The following HSF2BP variants were observed in gnomAD, a reference collection of about 807,000 sequenced individuals.
HSF2BP encodes heat shock transcription factor 2 binding protein, also known as heat shock factor 2-binding protein.
HSF2BP carries 35 observed loss-of-function variants against 35.0 expected under a neutral mutation model. The observed-to-expected ratio is 1.00, with a 90% CI of 0.76 to 1.32. HSF2BP has a LOEUF of 1.32. Among genes scored for constraint, HSF2BP ranks in the 40% most tolerant of loss-of-function variants. HSF2BP has a pLI of 0.00. For synonymous variants in HSF2BP, 114 were observed against 117.4 expected, an observed-to-expected ratio of 0.97 and a Z score of 0.18; for missense variants, 326 against 321.7, an observed-to-expected ratio of 1.01 and a Z score of -0.10.
intron 8 of HSF2BP, among the ~76,000 whole-genome samples, chr21:43,578,436 A>T (rs2081673835): frequency 6.6e-6 from 1 of 151,988 alleles, no homozygotes; most frequent in African/African-American, 2.4e-5. Context: ...CACGAAAGGG[A>T]GGATGGAGCC....
intron 7 of HSF2BP, among the ~76,000 whole-genome samples, chr21:43,605,385 C>T (rs1042930112): frequency 6.8e-6 from 1 of 147,922 alleles, no homozygotes; most frequent in Admixed American, 6.7e-5. Context: ...ACACACACAC[C>T]ACACACACAC....
At chr21:43,652,387 A>G (rs1177032818) in intron 3 of HSF2BP, among the ~76,000 whole-genome samples, 2 of 138,538 alleles carry the variant, frequency 1.4e-5, no homozygotes, top group African/African-American at 2.7e-5. Flanking sequence ...TGGGAGACAG[A>G]GCCAGACACC....
intron 8 of HSF2BP, among the ~76,000 whole-genome samples, chr21:43,582,300 A>C (rs1255517845): frequency 9.1e-5 from 4 of 43,922 alleles, no homozygotes; most frequent in African/African-American, 3.1e-4. Flanking sequence ...GGGGATGAAG[A>C]CCTGCTGTGG....
chr21:43,612,101 CCAAA>C (rs760745608), intron 7 of HSF2BP, among the ~76,000 whole-genome samples: 3 of 152,268 alleles, frequency 2.0e-5, no homozygotes, highest in East Asian at 3.9e-4. Flanking sequence ...CACACTGAAA[CCAAA>C]CAGAGAAAAG....
At chr21:43,594,037 G>C (rs949114073) in intron 7 of HSF2BP, among the ~76,000 whole-genome samples, 7 of 152,136 alleles carry the variant, frequency 4.6e-5, no homozygotes, top group African/African-American at 1.7e-4. Flanking sequence ...AAAGCAGCCA[G>C]AGAGAAAGGA....
intron 7 of HSF2BP, among the ~76,000 whole-genome samples, chr21:43,612,256 A>C (rs1315889006): frequency 6.6e-6 from 1 of 152,216 alleles, no homozygotes; most frequent in Non-Finnish European, 1.5e-5. Context: ...AGAAACAGGA[A>C]AATCTCAACT....
intron 7 of HSF2BP, among the ~76,000 whole-genome samples, chr21:43,599,690 A>G (rs1294174326): frequency 1.3e-5 from 2 of 151,976 alleles, no homozygotes; most frequent in Non-Finnish European, 2.9e-5. Flanking sequence ...GCTACTCGGG[A>G]GGCTGAGGCA....
chr21:43,651,547 G>A (rs921027559), intron 3 of HSF2BP, among the ~76,000 whole-genome samples: 2 of 152,012 alleles, frequency 1.3e-5, no homozygotes, highest in Non-Finnish European at 2.9e-5. Flanking sequence ...CCTAAAAAAC[G>A]TCATTTTGAT....
intron 7 of HSF2BP, among the ~76,000 whole-genome samples, chr21:43,607,252 T>C (rs904810573): frequency 6.7e-6 from 1 of 150,068 alleles, no homozygotes; most frequent in African/African-American, 2.5e-5. Context: ...ATTATGCCAC[T>C]GCACTCCAGC....
At chr21:43,654,650 G>T (rs575977971) in intron 3 of HSF2BP, among the ~76,000 whole-genome samples, 5 of 152,290 alleles carry the variant, frequency 3.3e-5, no homozygotes, top group African/African-American at 9.6e-5. Flanking sequence ...GATTAGGCTA[G>T]GGCAGACATT....
intron 7 of HSF2BP, among the ~76,000 whole-genome samples, chr21:43,595,982 C>T (rs982070648): frequency 6.6e-6 from 1 of 151,610 alleles, no homozygotes; most frequent in Admixed American, 6.6e-5. Flanking sequence ...AGCCTCCCAA[C>T]GTGCTGAGAT....
intron 7 of HSF2BP, among the ~76,000 whole-genome samples, chr21:43,604,770 G>A (rs528760096): frequency 7.0e-5 from 7 of 100,202 alleles, no homozygotes; most frequent in Non-Finnish European, 1.2e-4. Flanking sequence ...CACACCACTC[G>A]CATGCCACAC....
Position 43,658,086 on chromosome 21 carries a change from G to T in HSF2BP, c.11C>A (p.Ala4Glu). ...CCGGCAGGCCTCCTCAGCGGCGCCCGCTTCGCCCATGGCCGCTGCCGCCTC... is the reference window on the plus strand; with the variant it reads ...CCGGCAGGCCTCCTCAGCGGCGCCCTCTTCGCCCATGGCCGCTGCCGCCTC... MGE[A>E]GAAEEACRHM... The change falls in exon 2 of 9, where the codon GCG becomes GAG. Residue 4 changes from alanine to glutamate, a missense_variant. Physicochemically the swap from Ala to Glu is moderately radical, Grantham distance 107 (BLOSUM62 -1). Coordinates refer to ENST00000291560, the MANE Select transcript of HSF2BP (RefSeq NM_007031.2). The T allele has an allele frequency of 6.5e-7, 1 of 1,535,040 alleles. No homozygotes were observed. Among genetic ancestry groups the T allele is most frequent in the Middle Eastern group, 1.8e-4 (1 of 5,614 alleles).
At chr21:43,590,987 T>C (rs1433199160) in intron 8 of HSF2BP, among the ~76,000 whole-genome samples, 3 of 152,214 alleles carry the variant, frequency 2.0e-5, no homozygotes, top group Non-Finnish European at 4.4e-5. Context: ...TTTAAATATA[T>C]GCAACTTATT....
chr21:43,612,320 GA>G (rs1483996612), intron 7 of HSF2BP, among the ~76,000 whole-genome samples: 1 of 152,032 alleles, frequency 6.6e-6, no homozygotes, highest in Non-Finnish European at 1.5e-5. Context: ...ACAGGTGTTG[GA>G]AGCACCTGGC....
chr21:43,650,702 CTT>C (rs998092548), intron 3 of HSF2BP, among the ~76,000 whole-genome samples: 9 of 99,290 alleles, frequency 9.1e-5, no homozygotes, highest in African/African-American at 3.6e-4. Context: ...TTCAGGCTTG[CTT>C]TTTTTTTTTT....
chr21:43,647,739 G>A (rs1390034973), intron 3 of HSF2BP, among the ~76,000 whole-genome samples: 7 of 151,698 alleles, frequency 4.6e-5, no homozygotes, highest in Admixed American at 2.6e-4. Context: ...GAGCAGCCTA[G>A]ACAACATGGC....
intron 8 of HSF2BP, among the ~76,000 whole-genome samples, chr21:43,572,839 T>C (rs867592738): frequency 3.9e-5 from 6 of 152,270 alleles, no homozygotes; most frequent in Admixed American, 6.5e-5. Flanking sequence ...TTAGATGTTC[T>C]TGGTATCTTT....
At chr21:43,646,017 A>G (rs1171945104) in intron 3 of HSF2BP, among the ~76,000 whole-genome samples, 2 of 152,154 alleles carry the variant, frequency 1.3e-5, no homozygotes, top group Non-Finnish European at 2.9e-5. Context: ...AGCTTCTCAT[A>G]AAATGCGTTT....
Sources: gnomAD v4.1 joint callset for allele counts (sites outside exome capture counted in the v4.1 genomes callset) on GRCh38, gnomAD v4.1.1 for gene constraint, MANE v1.5 for transcripts, NCBI Gene and HGNC (gene_info 2026-07-23, HGNC 2026-07-21) for gene names.